CDYL: variants seen among roughly 807,000 people sequenced by gnomAD.
CDYL encodes the protein chromodomain Y-like protein.
A neutral mutation model predicts 47.3 loss-of-function variants in CDYL; 8 were observed. The ratio of observed to expected loss-of-function variants is 0.17; its 90% CI spans 0.10 to 0.31. The LOEUF (loss-of-function observed/expected upper bound fraction) is 0.31. CDYL is among the 10% of genes least tolerant of loss of function. The probability of loss-of-function intolerance (pLI) is 1.00; values close to 1 mark genes in which losing one functional copy is unlikely to be tolerated. For synonymous variants in CDYL, 266 were observed against 265.0 expected (o/e 1.00, Z -0.04); for missense variants, 471 against 701.4 (o/e 0.67, Z 3.71).
At chr6:4,852,268 C>T (rs566042138) in intron 1 of CDYL, among the ~76,000 whole-genome samples, 1 of 152,332 alleles carries the variant, frequency 6.6e-6, no homozygotes, top group East Asian at 1.9e-4. Flanking sequence ...GAAGAGCTGT[C>T]ACCAACTGGG....
intron 2 of CDYL, among the ~76,000 whole-genome samples, chr6:4,898,963 G>T (rs551353415): frequency 1.3e-5 from 2 of 152,284 alleles, no homozygotes; most frequent in African/African-American, 4.8e-5. Flanking sequence ...AAGCATGCTC[G>T]TAATGTATCA....
chr6:4,837,983 A>G (rs1423750838), intron 1 of CDYL, among the ~76,000 whole-genome samples: 1 of 149,970 alleles, frequency 6.7e-6, no homozygotes, highest in Non-Finnish European at 1.5e-5. Context: ...TTGCCATGTT[A>G]CCCAGGCTCA....
intron 2 of CDYL, among the ~76,000 whole-genome samples, chr6:4,716,965 A>C (rs970084290): frequency 6.6e-6 from 1 of 152,170 alleles, no homozygotes; most frequent in African/African-American, 2.4e-5. Flanking sequence ...AATGAGGGAA[A>C]GATTACATCT....
At chr6:4,905,169 G>T (rs376174331) in intron 2 of CDYL, among the ~76,000 whole-genome samples, 1 of 152,164 alleles carries the variant, frequency 6.6e-6, no homozygotes, top group Non-Finnish European at 1.5e-5. Context: ...CTGAACCTGG[G>T]TTTACGTGAC....
chr6:4,811,601 C>T (rs1759530397), intron 1 of CDYL, among the ~76,000 whole-genome samples: 1 of 146,840 alleles, frequency 6.8e-6, no homozygotes, highest in Non-Finnish European at 1.5e-5. Flanking sequence ...TACTCAATGA[C>T]ATTATTCTTT....
In CDYL at chr6:4,766,628, G is replaced by A. The variant is rs146998893; in HGVS notation, c.186+31784G>A. Among the ~76,000 whole-genome samples the A allele has an allele frequency of 4.3e-4, 65 of 152,212 alleles. No individual in the cohort carries two copies. The East Asian group carries it at 0.011, about 26-fold the overall frequency. On this transcript the variant is annotated intron_variant, in intron 3 of 8. Transcript: ENST00000328908. ...TACAGGTATCAAAAGAAGAAATAAT[G>A]GCATTCATACACAAACTAAAAATTG... is the stretch of plus-strand genomic sequence containing the variant.
chr6:4,775,600 G>A (rs1055096833), upstream of CDYL, among the ~76,000 whole-genome samples: 11 of 151,820 alleles, frequency 7.2e-5, no homozygotes. This position sits in a 1 kb window ranked among gnomAD's most constrained non-coding sequence, Gnocchi z 7.0. Context: ...GGGGGGAGCT[G>A]CGGGCAGAGC....
intron 1 of CDYL, among the ~76,000 whole-genome samples, chr6:4,879,819 G>A (rs889032658): frequency 6.6e-6 from 1 of 152,062 alleles, no homozygotes; most frequent in East Asian, 1.9e-4. Flanking sequence ...CTCGGCCTCC[G>A]AAAGTACTGG....
At position 4,807,242 on chromosome 6, in the gene CDYL, A is replaced by C. The variant is rs920034263; in HGVS notation, c.24+30435A>C. On this transcript the variant is annotated intron_variant, in intron 1 of 6. Transcript: ENST00000397588. ...TAGGGGACTGCAGCTCAGCCCATACATTTCAGTGGGTCGCTTATAGATGGG... is the reference window on the plus strand; with the variant it reads ...TAGGGGACTGCAGCTCAGCCCATACCTTTCAGTGGGTCGCTTATAGATGGG... Among the ~76,000 whole-genome samples the C allele has an allele frequency of 7.3e-4, 111 of 152,138 alleles. 1 individual carries two copies. Among genetic ancestry groups the C allele is most frequent in the Middle Eastern group, 3.2e-3 (1 of 316 alleles).
exon 3 of CDYL, chr6:4,734,792 G>A: frequency 1.2e-6 from 2 of 1,614,166 alleles, no homozygotes; most frequent in Non-Finnish European, 1.7e-6. Flanking sequence ...TCAGACCCCA[G>A]CATCTCCGTG....
chr6:4,829,088 AATT>A (rs1168236777), intron 1 of CDYL, among the ~76,000 whole-genome samples: 4 of 152,014 alleles, frequency 2.6e-5, no homozygotes, highest in African/African-American at 9.7e-5. Context: ...GGTTTCTGTC[AATT>A]ATTTTATTAT....
chr6:4,730,257 T>C lies in CDYL; in HGVS notation c.104-4505T>C, dbSNP rs148830208. Among the ~76,000 whole-genome samples the C allele has an allele frequency of 8.5e-5, 13 of 152,288 alleles. No homozygotes were observed. The East Asian group carries it at 1.5e-3, about 18-fold the overall frequency. ...CTTCCAAGTGAGGGAAGGAAATTCT[T>C]TGGAGGCAAAGCGTAACGGTTCCAG... On this transcript the variant is annotated intron_variant, in intron 2 of 8. Coordinates refer to the CDYL transcript ENST00000328908.
chr6:4,874,597 G>A (rs183473078), intron 1 of CDYL, among the ~76,000 whole-genome samples: 4 of 152,182 alleles, frequency 2.6e-5, no homozygotes, highest in Admixed American at 1.3e-4. Flanking sequence ...TATGGCTTAC[G>A]TACAGTATGT....
intron 2 of CDYL, among the ~76,000 whole-genome samples, chr6:4,932,235 T>C (rs1167837993): frequency 2.0e-5 from 3 of 152,202 alleles, no homozygotes; most frequent in Non-Finnish European, 4.4e-5. Flanking sequence ...GTGTTAATTA[T>C]CCTCATAATT....
chr6:4,888,628 G>A (rs1040823878), intron 1 of CDYL, among the ~76,000 whole-genome samples: 3 of 151,994 alleles, frequency 2.0e-5, no homozygotes, highest in African/African-American at 7.2e-5. Context: ...AGTTTATTAA[G>A]TTCTAAATTG....
At chr6:4,785,756 A>T (rs1412824865) in intron 1 of CDYL, among the ~76,000 whole-genome samples, 1 of 152,236 alleles carries the variant, frequency 6.6e-6, no homozygotes, top group Non-Finnish European at 1.5e-5. Flanking sequence ...TCCTTTAGGC[A>T]TTATGTACTT....
At chr6:4,950,644 C>G (rs1758669976) in intron 5 of CDYL, among the ~76,000 whole-genome samples, 1 of 152,178 alleles carries the variant, frequency 6.6e-6, no homozygotes, top group Non-Finnish European at 1.5e-5. Flanking sequence ...CCAGACTCTT[C>G]AAAAACTCAT....
chr6:4,708,762 T>C (rs1376278861), intron 1 of CDYL, among the ~76,000 whole-genome samples: 1 of 152,196 alleles, frequency 6.6e-6, no homozygotes, highest in Non-Finnish European at 1.5e-5. Flanking sequence ...CTCACACCTG[T>C]AATCCCAGCA....
chr6:4,826,632 T>C (rs1460244107), intron 1 of CDYL, among the ~76,000 whole-genome samples: 3 of 152,222 alleles, frequency 2.0e-5, no homozygotes, highest in Non-Finnish European at 1.5e-5. Flanking sequence ...GAGGGTGTTG[T>C]TTTAATTTCC....
Sources: allele counts gnomAD v4.1 joint callset (sites outside exome capture counted in the v4.1 genomes callset), GRCh38; gene constraint gnomAD v4.1.1; non-coding constraint Gnocchi (gnomAD v3.1); transcripts MANE v1.5; gene names NCBI Gene and HGNC (gene_info 2026-07-23, HGNC 2026-07-21).